Variants in INPP4B observed in about 807,000 individuals in gnomAD.
INPP4B encodes the protein inositol polyphosphate-4-phosphatase type II B.
INPP4B carries 55 observed loss-of-function variants against 122.5 expected under a neutral mutation model. The ratio of observed to expected loss-of-function variants is 0.45; its 90% CI spans 0.36 to 0.56. INPP4B has a LOEUF of 0.56. Among genes scored for constraint, INPP4B ranks in the 20% least tolerant of loss-of-function variants. The pLI is 0.00. For synonymous variants in INPP4B, 403 were observed against 388.7 expected, an observed-to-expected ratio of 1.04 and a Z score of -0.43; for missense variants, 1,000 against 1,097.7, an observed-to-expected ratio of 0.91 and a Z score of 1.26.
chr4:142,279,850 A>T (rs530415815), intron 9 of INPP4B, among the ~76,000 whole-genome samples: 1 of 152,064 alleles, frequency 6.6e-6, no homozygotes, highest in African/African-American at 2.4e-5. Context: ...TCACATATCT[A>T]ACAAAGAACT....
At chr4:142,725,743 G>C in intron 2 of INPP4B, 96 bp downstream of exon 2, 1 of 393,582 alleles carries the variant, frequency 2.5e-6, no homozygotes, top group Non-Finnish European at 4.5e-6. Context: ...TTTTTGATGG[G>C]TAATTCAATA....
intron 1 of INPP4B, among the ~76,000 whole-genome samples, chr4:142,761,493 A>G (rs924815738): frequency 2.0e-5 from 3 of 152,178 alleles, no homozygotes; most frequent in African/African-American, 7.2e-5. Flanking sequence ...TATTCACACC[A>G]ATATTTGCCA....
chr4:142,628,578 AAAG>A (rs1413316079), intron 2 of INPP4B, among the ~76,000 whole-genome samples: 41 of 151,038 alleles, frequency 2.7e-4, no homozygotes, highest in South Asian at 6.3e-4. Context: ...AAAAAAAAAA[AAAG>A]AATTGTTCTT....
chr4:142,317,937 T>C (rs1284366123), intron 7 of INPP4B, among the ~76,000 whole-genome samples: 2 of 152,276 alleles, frequency 1.3e-5, no homozygotes, highest in African/African-American at 2.4e-5. Flanking sequence ...TCCCATGTTA[T>C]AGAAGTGGAG....
intron 2 of INPP4B, among the ~76,000 whole-genome samples, chr4:142,517,329 G>T (rs1054316171): frequency 6.6e-6 from 1 of 152,080 alleles, no homozygotes; most frequent in Non-Finnish European, 1.5e-5. Flanking sequence ...AGTTATTCAT[G>T]TTGGGTGTTG....
Position 142,208,451 on chromosome 4 carries a change from A to G in INPP4B, c.1046T>C (p.Met349Thr). ...TTTCAAGTGAGGGCTGTGTACCTGC[A>G]TTCTTTGCAGATGTAGATTTATTGG... The part of the protein sequence containing the change: ...FVPINLHLQR[M>T]QVHSPHLKDA... The change falls in exon 14 of 26, where the codon ATG becomes ACG. Residue 349 changes from methionine (M) to threonine (T), a missense_variant. Met to Thr is a moderately conservative substitution (Grantham distance 81, BLOSUM62 -1). Transcript: ENST00000262992. 1.3e-6 allele frequency: 2 copies of G among 1,594,910 alleles called. No homozygotes were observed. Among genetic ancestry groups the G allele is most frequent in the Non-Finnish European group, 1.7e-6 (2 of 1,168,386 alleles).
chr4:142,312,011 T>C (rs1314400374), intron 8 of INPP4B, among the ~76,000 whole-genome samples: 1 of 152,196 alleles, frequency 6.6e-6, no homozygotes, highest in South Asian at 2.1e-4. Context: ...AACCCATTCA[T>C]TAGTTTTAAG....
intron 25 of INPP4B, among the ~76,000 whole-genome samples, chr4:142,042,175 T>TTAAG (rs1237946540): frequency 3.3e-5 from 5 of 152,182 alleles, no homozygotes; most frequent in Non-Finnish European, 5.9e-5. Flanking sequence ...TGCCCCTCTA[T>TTAAG]TAAGTTTCAC....
chr4:142,796,832 G>T (rs1272279071), intron 1 of INPP4B, among the ~76,000 whole-genome samples: 7 of 150,494 alleles, frequency 4.7e-5, no homozygotes, highest in Non-Finnish European at 1.0e-4. Context: ...GTTTCCAAAA[G>T]GCTCCTCTAT....
intron 7 of INPP4B, among the ~76,000 whole-genome samples, chr4:142,316,479 GTA>G (rs1767725047): frequency 6.6e-6 from 1 of 152,082 alleles, no homozygotes; most frequent in Non-Finnish European, 1.5e-5. Context: ...GTATGTATAT[GTA>G]TAGTTTGTTA....
At chr4:142,782,929 A>G (rs1775116059) in intron 1 of INPP4B, among the ~76,000 whole-genome samples, 1 of 152,178 alleles carries the variant, frequency 6.6e-6, no homozygotes, top group Non-Finnish European at 1.5e-5. Context: ...TTCCCTATTT[A>G]ATAAATGGTG....
chr4:142,040,606 A>T (rs1430378325), intron 25 of INPP4B, among the ~76,000 whole-genome samples: 2 of 152,228 alleles, frequency 1.3e-5, no homozygotes, highest in Non-Finnish European at 2.9e-5. Context: ...GTAGAAAGAT[A>T]AATAGGGGAT....
chr4:142,377,012 T>C (rs1792159348), intron 7 of INPP4B, among the ~76,000 whole-genome samples: 1 of 152,012 alleles, frequency 6.6e-6, no homozygotes, highest in Admixed American at 6.6e-5. Flanking sequence ...TACATTACCA[T>C]TTCCTTTAAT....
chr4:142,628,245 G>A (rs1294195132), intron 2 of INPP4B, among the ~76,000 whole-genome samples: 9 of 148,474 alleles, frequency 6.1e-5, no homozygotes, highest in Admixed American at 4.1e-4. Flanking sequence ...AAAATGATGA[G>A]TTCATGTCCT....
At chr4:142,806,836 A>AAAGAAAGG (rs1778912662) in intron 1 of INPP4B, among the ~76,000 whole-genome samples, 2 of 150,106 alleles carry the variant, frequency 1.3e-5, no homozygotes, top group Admixed American at 6.6e-5. Flanking sequence ...AGAAAGAAAG[A>AAAGAAAGG]AAGAAAGAAA....
intron 1 of INPP4B, among the ~76,000 whole-genome samples, chr4:142,729,943 T>C (rs896617251): frequency 1.3e-5 from 2 of 148,736 alleles, no homozygotes; most frequent in African/African-American, 5.0e-5. Context: ...CTTTGGTCTT[T>C]GAATTAATCA....
rs924418300 is a variant in INPP4B, at chr4:142,593,087, C to G, written c.-190-130361G>C. 4.8e-5 allele frequency among the ~76,000 whole-genome samples: 7 copies of G among 145,634 alleles called. No individual in the cohort carries two copies. In the East Asian group the frequency reaches 1.2e-3, roughly 25 times the overall value. ...CCACTGTACTCCAGCCTGGGTGATA[C>G]AGTGAGATCCTGTTTTTAAAAAAAA... On this transcript the variant is annotated intron_variant, in intron 2 of 25. Coordinates refer to ENST00000262992, the MANE Select transcript of INPP4B (RefSeq NM_001101669.3).
At chr4:142,504,559 C>T (rs1391763160) in intron 2 of INPP4B, among the ~76,000 whole-genome samples, 1 of 151,946 alleles carries the variant, frequency 6.6e-6, no homozygotes, top group Non-Finnish European at 1.5e-5. Context: ...GTTCATTTGA[C>T]CAAAAATAAA....
At chr4:142,327,916 T>A (rs1436971552) in intron 7 of INPP4B, among the ~76,000 whole-genome samples, 7 of 152,196 alleles carry the variant, frequency 4.6e-5, no homozygotes, top group Non-Finnish European at 1.0e-4. Flanking sequence ...CCAAAACCAA[T>A]GCATTTAACC....
Sources: allele counts gnomAD v4.1 joint callset (sites outside exome capture counted in the v4.1 genomes callset), GRCh38; gene constraint gnomAD v4.1.1; transcripts MANE v1.5; gene names NCBI Gene and HGNC (gene_info 2026-07-23, HGNC 2026-07-21).